Variants in CUL1 observed in about 807,000 individuals in gnomAD.
CUL1 encodes the protein cullin-1.
Under a neutral mutation model 118.0 loss-of-function variants are expected in CUL1, and 24 were observed. That is an observed-to-expected ratio of 0.20 (90% CI 0.15 to 0.29). The LOEUF is 0.29. Among genes scored for constraint, CUL1 ranks in the 10% least tolerant of loss-of-function variants. CUL1 has a pLI of 1.00. For synonymous variants in CUL1, 332 were observed against 340.4 expected (o/e 0.98, Z 0.27); for missense variants, 361 against 933.8 (o/e 0.39, Z 7.99).
intron 9 of CUL1, among the ~76,000 whole-genome samples, chr7:148,777,349 C>T (rs572639680): frequency 5.9e-5 from 9 of 152,082 alleles, no homozygotes; most frequent in African/African-American, 2.2e-4. Context: ...GCAGGTAGGC[C>T]GGTTAAAATA....
rs1429160989 is a variant in CUL1, at chr7:148,698,934, A to C, written c.-257A>C. 1 of 153,966 alleles carries C rather than the reference A, an allele frequency of 6.5e-6. No individual in the cohort carries two copies. Among genetic ancestry groups the C allele is most frequent in the Non-Finnish European group, 1.4e-5 (1 of 69,118 alleles). The allele number at this position is 153,966 out of a possible 1,614,324, so 9.5% of individuals were successfully genotyped here. Reference sequence around the variant, plus strand: ...GGCAGCCCCGGTAGCTGAGGGACGCAGCTAGACCTTGGCGGGACGGGGCTT... The same window carrying C: ...GGCAGCCCCGGTAGCTGAGGGACGCCGCTAGACCTTGGCGGGACGGGGCTT... On this transcript the variant is annotated 5_prime_UTR_variant, in exon 1 of 22. Transcript: ENST00000325222.
chr7:148,788,705 T>G, intron 14 of CUL1, 31 bp downstream of exon 14: 1 of 1,402,694 alleles, frequency 7.1e-7, no homozygotes, highest in Non-Finnish European at 1.0e-6. Context: ...ATGTTGTGTT[T>G]ACAGGCAGAG....
chr7:148,710,526 G>A (rs541863779), intron 1 of CUL1, among the ~76,000 whole-genome samples: 16 of 152,298 alleles, frequency 1.1e-4, no homozygotes, highest in Non-Finnish European at 1.8e-4. Context: ...CCGAGATCAC[G>A]CCACTACATT....
chr7:148,789,991 C>T (rs1800950869), intron 15 of CUL1, among the ~76,000 whole-genome samples, 165 bp downstream of exon 15: 1 of 152,214 alleles, frequency 6.6e-6, no homozygotes, highest in Admixed American at 6.5e-5. Context: ...TGCAGTGGGG[C>T]AGGTCTGGAT....
chr7:148,736,122 C>T (rs1798933243), intron 2 of CUL1, among the ~76,000 whole-genome samples: 1 of 151,902 alleles, frequency 6.6e-6, no homozygotes. Context: ...TGCAGTGAGT[C>T]ATGATCGCAC....
At chr7:148,776,187 G>GCCTT (rs1800388908) in intron 9 of CUL1, among the ~76,000 whole-genome samples, 1 of 151,236 alleles carries the variant, frequency 6.6e-6, no homozygotes, top group African/African-American at 2.4e-5. Flanking sequence ...ACCCCCCTCT[G>GCCTT]CCTTGGTTAA....
At chr7:148,756,637 A>T (rs1426085637) in intron 3 of CUL1, among the ~76,000 whole-genome samples, 1 of 152,088 alleles carries the variant, frequency 6.6e-6, no homozygotes, top group Non-Finnish European at 1.5e-5. Flanking sequence ...GTACCCAGCC[A>T]ATTTTTTTTT....
At chr7:148,786,478 T>A (rs1800817698) in intron 11 of CUL1, 73 bp from the exon 12 acceptor site, 4 of 1,137,084 alleles carry the variant, frequency 3.5e-6, no homozygotes, top group Non-Finnish European at 1.3e-6. Flanking sequence ...TGCTTGAAGC[T>A]GCATTCTGGC....
chr7:148,787,598 C>T lies in CUL1; in HGVS notation c.1479+478C>T, dbSNP rs1284923004. Among the ~76,000 whole-genome samples, 5 of 152,190 alleles carry T rather than the reference C, an allele frequency of 3.3e-5. No individual in the cohort carries two copies. The highest frequency in any genetic ancestry group is 1.3e-4 in the Admixed American group (2 of 15,284). ...ACTATCACTCTACTCTCGTTGGGCC[C>T]CGGTGCCTTCCCAACCCCTTCCCCA... is the stretch of plus-strand genomic sequence containing the variant. On this transcript the variant is annotated intron_variant, in intron 13 of 21. Coordinates refer to ENST00000325222, the MANE Select transcript of CUL1 (RefSeq NM_003592.3). The surrounding 1 kb of genome is among the most constrained non-coding windows in gnomAD (Gnocchi z 5.5).
At chr7:148,769,497 A>G (rs932571499) in intron 9 of CUL1, among the ~76,000 whole-genome samples, 9 of 151,208 alleles carry the variant, frequency 6.0e-5, no homozygotes, top group Non-Finnish European at 2.9e-5. Context: ...CGGTGAAGAC[A>G]TTTTTTCAGT....
Position 148,799,445 on chromosome 7 carries a change from T to A in CUL1, c.2250+57T>A. On this transcript the variant is annotated intron_variant, in intron 21 of 21. Transcript: ENST00000325222. ...TTCTTAATTTAGAAGATAAAAGATG[T>A]AGCAAAAAGTGGATTGATTGCTGTA... 6 of 1,187,340 alleles carry A rather than the reference T, an allele frequency of 5.1e-6. No homozygotes were observed. The Admixed American group carries it at 5.7e-5, about 11-fold the overall frequency. The allele number at this position is 1,187,340 out of a possible 1,614,324, so 73.6% of individuals were successfully genotyped here.
intron 4 of CUL1, among the ~76,000 whole-genome samples, chr7:148,758,717 A>C (rs191883653): frequency 6.6e-6 from 1 of 152,340 alleles, no homozygotes; most frequent in Non-Finnish European, 1.5e-5. Flanking sequence ...CTTCATAATG[A>C]TACTTTGCTA....
At chr7:148,718,648 T>C (rs243528) in intron 1 of CUL1, among the ~76,000 whole-genome samples, 56,659 of 151,958 alleles carry the variant, frequency 0.37, 10,655 homozygotes, top group South Asian at 0.48. Context: ...TGGACATTTG[T>C]GTTATTCCAC....
Position 148,756,983 on chromosome 7 carries a change from G to A in CUL1, c.316G>A (p.Asp106Asn). 1 of 1,571,880 alleles carries A rather than the reference G, an allele frequency of 6.4e-7. No individual in the cohort carries two copies. The highest frequency in any genetic ancestry group is 8.6e-7 in the Non-Finnish European group (1 of 1,161,060). Residue 106 changes from aspartate to asparagine, a missense_variant and splice_region_variant, in exon 4 of 22, where the codon GAT becomes AAT. Physicochemically the swap from Asp to Asn is conservative, Grantham distance 23. Around this residue, in one of 7 missense-constraint regions of CUL1, gnomAD observed 49 missense variants for 67.4 expected, o/e 0.73. Transcript: ENST00000325222. ...LKNYLTNLLK[D>N]GEDLMDESVL... is the part of the protein sequence containing the mutation. ...AAAGCTTTAGTTAACTTGTTTTTAG[G>A]ATGGAGAAGATTTGATGGATGAGAG...
intron 13 of CUL1, 61 bp from the exon 14 acceptor site, chr7:148,788,496 C>G (rs1800894529): frequency 9.7e-7 from 1 of 1,032,186 alleles, no homozygotes; most frequent in Non-Finnish European, 1.5e-6. Flanking sequence ...CTCTAAGATT[C>G]CCTTGTATAC....
intron 7 of CUL1, among the ~76,000 whole-genome samples, chr7:148,765,563 T>A (rs1007427825): frequency 2.6e-5 from 4 of 152,138 alleles, no homozygotes; most frequent in African/African-American, 9.7e-5. Context: ...CCCAGGAGTT[T>A]GAGGCTGCAG....
intron 2 of CUL1, among the ~76,000 whole-genome samples, chr7:148,734,029 C>CAA (rs539507792): frequency 0.013 from 1,582 of 119,058 alleles, 24 homozygotes; most frequent in African/African-American, 0.044. Context: ...TTGGAAAAGC[C>CAA]AAAAAAAAAA....
Position 148,699,201 on chromosome 7 carries a change from G to A in CUL1, c.-162+172G>A, listed in dbSNP as rs955405657. ...CGGGCAGAATGGCGGCCGGGCCGGG[G>A]GACTCGTGGGCGGAGGACGCCGAAG... On this transcript the variant is annotated intron_variant, in intron 1 of 21. Transcript: ENST00000325222. Among the ~76,000 whole-genome samples, 17 of 152,002 alleles carry A rather than the reference G, an allele frequency of 1.1e-4. 1 individual carries two copies. Among genetic ancestry groups the A allele is most frequent in the Admixed American group, 1.1e-3 (17 of 15,258 alleles).
At chr7:148,707,525 G>A (rs900043989) in intron 1 of CUL1, among the ~76,000 whole-genome samples, 7 of 151,682 alleles carry the variant, frequency 4.6e-5, no homozygotes, top group Non-Finnish European at 1.0e-4. Context: ...TAAGTTTCAG[G>A]GTACCACAGG....
Sources: allele counts gnomAD v4.1 joint callset (sites outside exome capture counted in the v4.1 genomes callset), GRCh38; gene constraint gnomAD v4.1.1; regional missense constraint gnomAD v4.1.1; non-coding constraint Gnocchi (gnomAD v3.1); transcripts MANE v1.5; gene names NCBI Gene and HGNC (gene_info 2026-07-23, HGNC 2026-07-21).